The following TMEM132C variants were observed in gnomAD, a reference collection of about 807,000 sequenced individuals.
TMEM132C encodes the protein transmembrane protein 132C.
In TMEM132C, 29 loss-of-function variants were observed where a neutral mutation model predicts 61.4. The ratio of observed to expected loss-of-function variants is 0.47; its 90% CI spans 0.35 to 0.64. The LOEUF is 0.64. TMEM132C is among the 30% of genes least tolerant of loss of function. The pLI is 0.00. For missense variants in TMEM132C, 1,408 were observed against 1,476.9 expected (o/e 0.95, Z 0.76); for synonymous variants, 656 against 633.1 (o/e 1.04, Z -0.54).
At chr12:128,434,813 G>A (rs1869522552) in intron 2 of TMEM132C, among the ~76,000 whole-genome samples, 1 of 151,314 alleles carries the variant, frequency 6.6e-6, no homozygotes, top group Non-Finnish European at 1.5e-5. Context: ...GTAGAGACGG[G>A]GTTTCACCGT....
intron 2 of TMEM132C, among the ~76,000 whole-genome samples, chr12:128,532,930 A>T (rs10161317): frequency 6.6e-6 from 1 of 152,038 alleles, no homozygotes; most frequent in Non-Finnish European, 1.5e-5. Flanking sequence ...AGACACTGTT[A>T]GTTTCCTCTG....
intron 2 of TMEM132C, among the ~76,000 whole-genome samples, chr12:128,488,137 C>T (rs1000753388): frequency 3.3e-5 from 5 of 152,188 alleles, no homozygotes; most frequent in African/African-American, 1.2e-4. Flanking sequence ...CATTTACCAA[C>T]TGGCTGGAAA....
chr12:128,635,853 T>C (rs918466157), intron 4 of TMEM132C, among the ~76,000 whole-genome samples: 11 of 152,094 alleles, frequency 7.2e-5, no homozygotes, highest in African/African-American at 1.9e-4. Context: ...TGAGAGGGAG[T>C]TTCCTCTTGC....
At chr12:128,399,338 G>T (rs1875069106) in intron 1 of TMEM132C, among the ~76,000 whole-genome samples, 1 of 152,108 alleles carries the variant, frequency 6.6e-6, no homozygotes, top group Non-Finnish European at 1.5e-5. Flanking sequence ...GAGATAATTG[G>T]GACTCTCAGG....
chr12:128,633,178 A>G (rs997257225), intron 4 of TMEM132C, among the ~76,000 whole-genome samples: 6 of 152,152 alleles, frequency 3.9e-5, no homozygotes, highest in Non-Finnish European at 8.8e-5. Flanking sequence ...AGCAGGCCGC[A>G]TAGTGGCCTA....
intron 5 of TMEM132C, 136 bp downstream of exon 5, chr12:128,669,696 C>T: frequency 8.9e-7 from 1 of 1,118,414 alleles, no homozygotes; most frequent in Non-Finnish European, 1.2e-6. Context: ...TCCAGCTGAT[C>T]CACTCAACGT....
intron 1 of TMEM132C, among the ~76,000 whole-genome samples, chr12:128,311,331 A>G (rs1038665358): frequency 3.3e-5 from 5 of 152,108 alleles, no homozygotes; most frequent in African/African-American, 1.2e-4. Context: ...CTGTGACCGT[A>G]CTCCTGGTAC....
At chr12:128,290,801 C>T (rs1262082494) in intron 1 of TMEM132C, among the ~76,000 whole-genome samples, 1 of 147,030 alleles carries the variant, frequency 6.8e-6, no homozygotes, top group Non-Finnish European at 1.5e-5. Context: ...TTCTCCAAGC[C>T]AAAAGAACAA....
chr12:128,410,587 G>C lies in TMEM132C; in HGVS notation c.86-4145G>C, dbSNP rs954764467. On this transcript the variant is annotated intron_variant, in intron 1 of 8. Transcript: ENST00000435159. ...CCCGCTGATTTTTTTTGTATTTTTAGTAGAGACGGGGTTTCACCATGTTGG... is the reference window on the plus strand; with the variant it reads ...CCCGCTGATTTTTTTTGTATTTTTACTAGAGACGGGGTTTCACCATGTTGG... Among the ~76,000 whole-genome samples the C allele has an allele frequency of 3.9e-5, 6 of 151,932 alleles. 1 individual carries two copies. The South Asian group carries it at 1.2e-3, about 32-fold the overall frequency.
At chr12:128,450,281 A>T (rs1381815814) in intron 2 of TMEM132C, among the ~76,000 whole-genome samples, 1 of 152,184 alleles carries the variant, frequency 6.6e-6, no homozygotes, top group Admixed American at 6.5e-5. Flanking sequence ...GATAGCAGGG[A>T]ACATTAAGAA....
intron 2 of TMEM132C, among the ~76,000 whole-genome samples, chr12:128,432,700 T>C (rs978463307): frequency 5.9e-5 from 9 of 152,210 alleles, no homozygotes; most frequent in Admixed American, 1.3e-4. Flanking sequence ...CTGGTGAAGA[T>C]ACTGGAACAT....
chr12:128,414,245 G>GA (rs1252600666), intron 1 of TMEM132C, among the ~76,000 whole-genome samples: 52 of 151,538 alleles, frequency 3.4e-4, no homozygotes, highest in Admixed American at 4.6e-4. Flanking sequence ...TTATAAAGAA[G>GA]AAAAAAAACA....
At chr12:128,626,130 T>TCTTTC (rs200250626) in intron 4 of TMEM132C, among the ~76,000 whole-genome samples, 6 of 149,880 alleles carry the variant, frequency 4.0e-5, no homozygotes, top group African/African-American at 7.4e-5. Context: ...TTTCTTTCTT[T>TCTTTC]TTTTTTTTTT....
At chr12:128,568,475 G>A (rs1343094889) in intron 3 of TMEM132C, among the ~76,000 whole-genome samples, 1 of 152,166 alleles carries the variant, frequency 6.6e-6, no homozygotes, top group African/African-American at 2.4e-5. Context: ...TACTTACCCT[G>A]TACTTGCCGT....
chr12:128,705,877 A>T lies in TMEM132C; in HGVS notation c.2909A>T (p.Asp970Val), dbSNP rs1303702360. 6.4e-7 allele frequency: 1 copy of T among 1,551,586 alleles called. No individual in the cohort carries two copies. The highest frequency in any genetic ancestry group is 1.2e-5 in the South Asian group (1 of 84,062). ...EGQASMTHSH[D>V]WVWLGNEAEL... Reference sequence around the variant, plus strand: ...CAGGCCTCCATGACCCACTCTCACGACTGGGTGTGGCTTGGCAATGAGGCC... The same window carrying T: ...CAGGCCTCCATGACCCACTCTCACGTCTGGGTGTGGCTTGGCAATGAGGCC... The change falls in exon 9 of 9, where the codon GAC becomes GTC. Residue 970 changes from aspartate to valine, a missense_variant. Coordinates refer to ENST00000435159, the MANE Select transcript of TMEM132C (RefSeq NM_001136103.3).
At chr12:128,590,146 A>G (rs1875701085) in intron 3 of TMEM132C, among the ~76,000 whole-genome samples, 1 of 152,208 alleles carries the variant, frequency 6.6e-6, no homozygotes. Flanking sequence ...CACTCTGGCC[A>G]CAGGCTGAAG....
intron 1 of TMEM132C, among the ~76,000 whole-genome samples, chr12:128,287,055 T>C (rs1313256332): frequency 6.6e-6 from 1 of 152,196 alleles, no homozygotes; most frequent in Non-Finnish European, 1.5e-5. Flanking sequence ...TCTTGTTCCT[T>C]CTCCTTTAAG....
chr12:128,432,772 T>C (rs1772138246), intron 2 of TMEM132C, among the ~76,000 whole-genome samples: 2 of 152,192 alleles, frequency 1.3e-5, no homozygotes, highest in South Asian at 4.1e-4. Context: ...AGCAGGAGGT[T>C]TTGAGAGGGT....
chr12:128,583,034 G>C lies in TMEM132C; in HGVS notation c.1122-33118G>C, dbSNP rs543164703. ...CAGCAGTTCCATTTGTAGTGGCTGA[G>C]AAGAGAACTCAGAAAAAGGCATCAA... is the stretch of plus-strand genomic sequence containing the variant. On this transcript the variant is annotated intron_variant, in intron 3 of 8. Coordinates refer to ENST00000435159, the MANE Select transcript of TMEM132C (RefSeq NM_001136103.3). 2.0e-3 allele frequency among the ~76,000 whole-genome samples: 309 copies of C among 152,284 alleles called. 2 individuals carry two copies. Among genetic ancestry groups the C allele is most frequent in the African/African-American group, 7.1e-3 (293 of 41,554 alleles).
Sources: allele counts gnomAD v4.1 joint callset (sites outside exome capture counted in the v4.1 genomes callset), GRCh38; gene constraint gnomAD v4.1.1; transcripts MANE v1.5; gene names NCBI Gene and HGNC (gene_info 2026-07-23, HGNC 2026-07-21).